CDH18: variants seen among roughly 807,000 people sequenced by gnomAD.
CDH18 encodes the protein cadherin 18, also known as cadherin-18.
Under a neutral mutation model 67.9 loss-of-function variants are expected in CDH18, and 31 were observed. That is an observed-to-expected ratio of 0.46 (90% CI 0.34 to 0.62). CDH18 has a LOEUF of 0.62. Ranked by LOEUF, CDH18 falls within the 20% of genes least tolerant of loss-of-function variation. The pLI, the probability that CDH18 is intolerant of heterozygous loss-of-function variation, is 0.01. For synonymous variants in CDH18, 362 were observed against 347.2 expected, an observed-to-expected ratio of 1.04 and a Z score of -0.48; for missense variants, 890 against 975.5, an observed-to-expected ratio of 0.91 and a Z score of 1.17.
At chr5:20,448,837 G>T (rs908816235) in intron 1 of CDH18, among the ~76,000 whole-genome samples, 4 of 152,096 alleles carry the variant, frequency 2.6e-5, no homozygotes, top group African/African-American at 9.7e-5. Flanking sequence ...TGACCAAAAT[G>T]ATGGAAAAAG....
At chr5:19,796,492 G>C (rs964715590) in intron 3 of CDH18, among the ~76,000 whole-genome samples, 1 of 152,046 alleles carries the variant, frequency 6.6e-6, no homozygotes, top group African/African-American at 2.4e-5. Flanking sequence ...TGCTCTTCAA[G>C]AATGAAGGAA....
chr5:20,115,294 T>TTTTTA (rs1747800187), intron 2 of CDH18, among the ~76,000 whole-genome samples: 1 of 140,834 alleles, frequency 7.1e-6, no homozygotes, highest in Non-Finnish European at 1.5e-5. Flanking sequence ...TTTTTTTTTT[T>TTTTTA]TTTGAGACGG....
At chr5:19,965,128 G>A (rs963612441) in intron 2 of CDH18, among the ~76,000 whole-genome samples, 6 of 152,016 alleles carry the variant, frequency 3.9e-5, no homozygotes, top group African/African-American at 9.7e-5. Flanking sequence ...TTATTTTGTA[G>A]TTTATATGTT....
At chr5:19,909,277 C>T (rs1042555776) in intron 2 of CDH18, among the ~76,000 whole-genome samples, 26 of 149,834 alleles carry the variant, frequency 1.7e-4, no homozygotes, top group Admixed American at 8.0e-4. Flanking sequence ...AAGAAAAGAA[C>T]GCAAGTAAAG....
Position 20,007,672 on chromosome 5 carries a change from AGTGTGTGTGTGTGTGT to A in CDH18, c.-517-15674_-517-15659del, listed in dbSNP as rs145213048. On this transcript the variant is annotated intron_variant, in intron 2 of 14. Transcript: ENST00000507958. ...ATAGTTTGAAGTGCAGTGTGTGGAA[AGTGTGTGTGTGTGTGT>A]GTGTGTGTGTGTGTGTGTGTGTGTG... 6.2e-3 allele frequency among the ~76,000 whole-genome samples: 866 copies of A among 140,234 alleles called. 8 individuals are homozygous for A. The highest frequency in any genetic ancestry group is 0.02 in the African/African-American group (784 of 39,156). 92.0% of individuals were successfully genotyped at this position (140,234 alleles called of 152,430 possible).
intron 1 of CDH18, among the ~76,000 whole-genome samples, chr5:20,273,511 T>C (rs1163033528): frequency 6.6e-6 from 1 of 152,086 alleles, no homozygotes; most frequent in African/African-American, 2.4e-5. Context: ...ATTACTGCTG[T>C]CAATTGATTG....
chr5:19,856,888 T>C (rs190354360), intron 2 of CDH18, among the ~76,000 whole-genome samples: 1 of 152,018 alleles, frequency 6.6e-6, no homozygotes, highest in Non-Finnish European at 1.5e-5. Context: ...CTGACTCGAT[T>C]TTTTTTTCTT....
chr5:20,318,871 A>G (rs935290507), intron 1 of CDH18, among the ~76,000 whole-genome samples: 3 of 152,120 alleles, frequency 2.0e-5, no homozygotes, highest in Non-Finnish European at 4.4e-5. Flanking sequence ...CATCTCAGTT[A>G]TTCCTTTATA....
At chr5:19,563,047 A>C (rs1739728462) in intron 8 of CDH18, among the ~76,000 whole-genome samples, 1 of 152,194 alleles carries the variant, frequency 6.6e-6, no homozygotes, top group South Asian at 2.1e-4. Flanking sequence ...TAATGTGTGG[A>C]GTAAACCCAT....
intron 2 of CDH18, among the ~76,000 whole-genome samples, chr5:20,106,901 G>A (rs754049717): frequency 6.6e-6 from 1 of 152,116 alleles, no homozygotes; most frequent in Non-Finnish European, 1.5e-5. Flanking sequence ...TCATTCATAA[G>A]CTAGTATAAC....
chr5:19,814,549 T>C (rs1043670019), intron 3 of CDH18, among the ~76,000 whole-genome samples: 6 of 151,962 alleles, frequency 3.9e-5, no homozygotes, highest in Admixed American at 1.3e-4. Flanking sequence ...ACACCTATAG[T>C]CATTTAAAAC....
intron 1 of CDH18, among the ~76,000 whole-genome samples, chr5:20,349,554 T>C (rs560181619): frequency 1.8e-4 from 28 of 152,248 alleles, no homozygotes; most frequent in African/African-American, 6.5e-4. Flanking sequence ...TAGTAGATTA[T>C]TGAAGAGAAG....
intron 2 of CDH18, among the ~76,000 whole-genome samples, chr5:19,905,899 G>A (rs1790482595): frequency 1.3e-5 from 2 of 151,994 alleles, no homozygotes; most frequent in South Asian, 4.1e-4. Flanking sequence ...AAAAAATTCT[G>A]AATTGAGAAC....
At chr5:20,197,592 T>C (rs1225727501) in intron 2 of CDH18, among the ~76,000 whole-genome samples, 1 of 152,154 alleles carries the variant, frequency 6.6e-6, no homozygotes, top group Non-Finnish European at 1.5e-5. Flanking sequence ...GTGGCAGTGA[T>C]CATGATTTTG....
chr5:19,721,316 T>C, intron 5 of CDH18, 31 bp downstream of exon 5: 1 of 1,535,906 alleles, frequency 6.5e-7, no homozygotes, highest in African/African-American at 1.3e-5. Flanking sequence ...TAGCAAACGC[T>C]TGCATGCGAG....
intron 2 of CDH18, among the ~76,000 whole-genome samples, chr5:19,917,711 C>T (rs886612104): frequency 6.6e-6 from 1 of 152,144 alleles, no homozygotes; most frequent in African/African-American, 2.4e-5. Context: ...CTATTGTGAA[C>T]TCTTCAAAGG....
intron 2 of CDH18, among the ~76,000 whole-genome samples, chr5:19,917,594 A>C (rs1791970237): frequency 6.6e-6 from 1 of 152,124 alleles, no homozygotes; most frequent in South Asian, 2.1e-4. Context: ...GTGCAACTTC[A>C]TCTATATAAA....
At chr5:20,424,731 A>T (rs1748146763) in intron 1 of CDH18, among the ~76,000 whole-genome samples, 1 of 137,482 alleles carries the variant, frequency 7.3e-6, no homozygotes, top group African/African-American at 2.9e-5. Context: ...TGGGTAATAG[A>T]GCAAGACTCT....
At chr5:19,515,108 T>C (rs1249761174) in intron 10 of CDH18, among the ~76,000 whole-genome samples, 7 of 152,214 alleles carry the variant, frequency 4.6e-5, no homozygotes. Flanking sequence ...CAGGGAATCA[T>C]TTCCCCATTT....
Sources: gnomAD v4.1 joint callset for allele counts (sites outside exome capture counted in the v4.1 genomes callset) on GRCh38, gnomAD v4.1.1 for gene constraint, MANE v1.5 for transcripts, NCBI Gene and HGNC (gene_info 2026-07-23, HGNC 2026-07-21) for gene names.